AVEN: variants seen among roughly 807,000 people sequenced by gnomAD.
AVEN encodes cell death regulator Aven.
A neutral mutation model predicts 38.1 loss-of-function variants in AVEN; 41 were observed. The observed-to-expected ratio is 1.08, with a 90% CI of 0.84 to 1.40. The LOEUF (loss-of-function observed/expected upper bound fraction) is 1.40, where lower values mean the gene tolerates loss of function less well. AVEN is among the 40% of genes most tolerant of loss of function. The pLI is 0.00. For missense variants in AVEN, 605 were observed against 438.8 expected (o/e 1.38, Z -3.38); for synonymous variants, 206 against 171.8 (o/e 1.20, Z -1.56).
intron 2 of AVEN, among the ~76,000 whole-genome samples, chr15:33,886,587 G>C (rs1479192492): frequency 6.6e-6 from 1 of 152,158 alleles, no homozygotes; most frequent in Non-Finnish European, 1.5e-5. Context: ...GGTTTTATAA[G>C]GGGCTTCCCC....
chr15:33,979,472 A>G (rs903515699), intron 2 of AVEN, among the ~76,000 whole-genome samples: 1 of 152,192 alleles, frequency 6.6e-6, no homozygotes, highest in African/African-American at 2.4e-5. Flanking sequence ...GCAACAAAGC[A>G]AGACCCTGTC....
chr15:33,863,314 G>C (rs1331514010), downstream of AVEN, among the ~76,000 whole-genome samples: 1 of 152,194 alleles, frequency 6.6e-6, no homozygotes, highest in Non-Finnish European at 1.5e-5. Flanking sequence ...CAGTAAATGA[G>C]AAGCGGAAAG....
At chr15:33,863,130 TTCCTATCTCTA>T (rs1889069868), downstream of AVEN, among the ~76,000 whole-genome samples, 2 of 152,110 alleles carry the variant, frequency 1.3e-5, no homozygotes, top group Admixed American at 6.5e-5. Flanking sequence ...ACTGGTCTCT[TTCCTATCTCTA>T]TCCCCTCTAG....
At position 33,859,230 on chromosome 15, in the gene AVEN, G is replaced by C. The variant is rs112236903; in HGVS notation, n.2730-136C>G. Reference sequence around the variant, plus strand: ...TTGCAGTTTATAGCACAGCCTGAAGGCCAGGCTAACACTCTTAAAATTAAA... The same window carrying C: ...TTGCAGTTTATAGCACAGCCTGAAGCCCAGGCTAACACTCTTAAAATTAAA... On this transcript the variant is annotated intron_variant and non_coding_transcript_variant, in intron 11 of 11. Transcript: ENST00000675287. 852 of 218,908 alleles carry C rather than the reference G, an allele frequency of 3.9e-3. 8 individuals carry two copies. The highest frequency in any genetic ancestry group is 0.018 in the African/African-American group (802 of 43,952). The allele number at this position is 218,908 out of a possible 1,614,324, so 13.6% of individuals were successfully genotyped here. A position where few individuals can be genotyped will look rare whatever the true frequency, so the allele number is the denominator to read the frequency against.
intron 2 of AVEN, chr15:33,972,318 G>A (rs1895671823): frequency 6.6e-6 from 1 of 151,962 alleles, no homozygotes; most frequent in Non-Finnish European, 1.5e-5. Context: ...ATGCTACTCA[G>A]AAAATTGAAA....
chr15:34,031,916 T>C (rs1449235279), intron 1 of AVEN, among the ~76,000 whole-genome samples: 2 of 152,138 alleles, frequency 1.3e-5, no homozygotes, highest in South Asian at 2.1e-4. Context: ...CATGACACCT[T>C]TGTAGAAAAT....
At chr15:33,979,266 A>G (rs1210437921) in intron 2 of AVEN, among the ~76,000 whole-genome samples, 1 of 152,176 alleles carries the variant, frequency 6.6e-6, no homozygotes, top group Admixed American at 6.5e-5. Context: ...CCATGCCTGC[A>G]ATCCCAGCAC....
At chr15:34,055,360 C>T (rs1280656691) in intron 5 of AVEN, among the ~76,000 whole-genome samples, 1 of 151,790 alleles carries the variant, frequency 6.6e-6, no homozygotes, top group Non-Finnish European at 1.5e-5. Flanking sequence ...TTATAATTAT[C>T]TGTGTGTGGT....
intron 2 of AVEN, among the ~76,000 whole-genome samples, chr15:33,930,421 A>G (rs1893798089): frequency 6.6e-6 from 1 of 152,240 alleles, no homozygotes; most frequent in Non-Finnish European, 1.5e-5. Context: ...CCAAGTAAAC[A>G]TCAGGTCCTA....
At chr15:33,854,325 C>T (rs1486271123), downstream of AVEN, 4 of 1,367,600 alleles carry the variant, frequency 2.9e-6, no homozygotes, top group Admixed American at 9.4e-5. Context: ...ACTTTTTCCC[C>T]CTTATTGAGC....
At chr15:33,952,281 G>A (rs2140452306) in intron 2 of AVEN, among the ~76,000 whole-genome samples, 1 of 152,244 alleles carries the variant, frequency 6.6e-6, no homozygotes, top group East Asian at 1.9e-4. Context: ...TAGATAGAGG[G>A]AGTTGGAGGA....
intron 11 of AVEN, among the ~76,000 whole-genome samples, chr15:33,860,066 G>C (rs1248237541): frequency 3.9e-5 from 6 of 152,136 alleles, no homozygotes; most frequent in Non-Finnish European, 7.3e-5. Flanking sequence ...GGGAGGTAGG[G>C]TAGGAGCAGA....
chr15:34,037,910 A>T (rs1412759819), intron 1 of AVEN, among the ~76,000 whole-genome samples: 5 of 152,222 alleles, frequency 3.3e-5, no homozygotes, highest in Non-Finnish European at 7.3e-5. Context: ...GTGCATAAGA[A>T]TGCAGAATAT....
downstream of AVEN, chr15:33,858,095 G>A: frequency 1.2e-6 from 1 of 810,128 alleles, no homozygotes; most frequent in Non-Finnish European, 1.9e-6. Context: ...GTCCTGGGAA[G>A]ACAGAAGTGA....
chr15:33,881,847 C>T (rs1003547646), intron 2 of AVEN, among the ~76,000 whole-genome samples: 2 of 152,182 alleles, frequency 1.3e-5, no homozygotes, highest in Non-Finnish European at 2.9e-5. Context: ...TGGTCTCTCA[C>T]ATACTAAACA....
chr15:33,986,431 T>C (rs542897245), intron 2 of AVEN, among the ~76,000 whole-genome samples: 48 of 152,118 alleles, frequency 3.2e-4, no homozygotes, highest in African/African-American at 1.2e-3. Context: ...TTATAAACTC[T>C]GTATAAACAC....
At chr15:34,042,799 A>T (rs923999955), upstream of AVEN, among the ~76,000 whole-genome samples, 4 of 152,178 alleles carry the variant, frequency 2.6e-5, no homozygotes, top group Non-Finnish European at 5.9e-5. Context: ...GGAACTTGTT[A>T]GAAATGCAAA....
Position 34,045,190 on chromosome 15 carries a change from T to A in AVEN, n.1637+17732A>T, listed in dbSNP as rs1392785366. On this transcript the variant is annotated intron_variant and non_coding_transcript_variant, in intron 5 of 11. Coordinates refer to the AVEN transcript ENST00000675287. ...AGCTATAAAGATGAACTCTTTCAGT[T>A]CAAGGACTATCGTATATCTCTTTTA... Among the ~76,000 whole-genome samples, 5 of 152,248 alleles carry A rather than the reference T, an allele frequency of 3.3e-5. No individual in the cohort carries two copies. The East Asian group carries it at 5.8e-4, about 18-fold the overall frequency.
intron 1 of AVEN, among the ~76,000 whole-genome samples, chr15:34,027,029 A>T (rs934920858): frequency 6.7e-6 from 1 of 149,924 alleles, no homozygotes; most frequent in African/African-American, 2.5e-5. Flanking sequence ...CCAGAATGAT[A>T]AAGACCTCTG....
Sources: allele counts gnomAD v4.1 joint callset (sites outside exome capture counted in the v4.1 genomes callset), GRCh38; gene constraint gnomAD v4.1.1; transcripts MANE v1.5; gene names NCBI Gene and HGNC (gene_info 2026-07-23, HGNC 2026-07-21).